PPHLN1: variants seen among roughly 807,000 people sequenced by gnomAD.
The protein encoded by PPHLN1 is periphilin 1.
Under a neutral mutation model 51.3 loss-of-function variants are expected in PPHLN1, and 29 were observed. That is an observed-to-expected ratio of 0.57 (90% CI 0.42 to 0.77). The LOEUF is 0.77. Among genes scored for constraint, PPHLN1 ranks in the 30% least tolerant of loss-of-function variants. The probability of loss-of-function intolerance (pLI) is 0.00; values close to 1 mark genes in which losing one functional copy is unlikely to be tolerated. For synonymous variants in PPHLN1, 147 were observed against 147.8 expected (o/e 0.99, Z 0.04); for missense variants, 436 against 438.4 (o/e 0.99, Z 0.05).
At chr12:42,346,924 G>A (rs924697391) in intron 2 of PPHLN1, 2 of 152,082 alleles carry the variant, frequency 1.3e-5, no homozygotes, top group African/African-American at 4.8e-5. Flanking sequence ...ATCTCACTCT[G>A]TTTTCCCAGG....
intron 9 of PPHLN1, among the ~76,000 whole-genome samples, chr12:42,434,026 G>A (rs1352364022): frequency 6.6e-6 from 1 of 152,174 alleles, no homozygotes; most frequent in Admixed American, 6.5e-5. Context: ...TGCTACAAAG[G>A]TGGTATACTC....
At chr12:42,448,498 A>G (rs999591451), downstream of PPHLN1, 10 of 152,084 alleles carry the variant, frequency 6.6e-5, no homozygotes, top group African/African-American at 2.2e-4. Flanking sequence ...GCATATGCCC[A>G]GTTGATGTGA....
intron 8 of PPHLN1, 149 bp from the exon 9 acceptor site, chr12:42,398,705 T>C: frequency 1.7e-6 from 1 of 599,208 alleles, no homozygotes; most frequent in African/African-American, 1.8e-5. Flanking sequence ...ATGCTCATTA[T>C]GCATAGTGAA....
At position 42,342,259 on chromosome 12, in the gene PPHLN1, G is replaced by A. The variant is rs550570297; in HGVS notation, c.72+6285G>A. Among the ~76,000 whole-genome samples, 78 of 151,510 alleles carry A rather than the reference G, an allele frequency of 5.1e-4. 1 individual carries two copies. Among genetic ancestry groups the A allele is most frequent in the African/African-American group, 1.7e-3 (71 of 41,234 alleles). ...CATTCATTCATTCATTCATTCATTC[G>A]TTCATATGTACATACACACAGGGTC... On this transcript the variant is annotated intron_variant, in intron 2 of 9. Coordinates refer to ENST00000358314, the MANE Select transcript of PPHLN1 (RefSeq NM_201439.2).
intron 8 of PPHLN1, 61 bp downstream of exon 8, chr12:42,393,750 T>C (rs1182237433): frequency 1.2e-5 from 18 of 1,483,700 alleles, no homozygotes; most frequent in Non-Finnish European, 1.4e-5. Context: ...TTTTAAATTA[T>C]GGGCGAAAAA....
At chr12:42,444,925 C>A (rs2083221479), downstream of PPHLN1, 1 of 616,816 alleles carries the variant, frequency 1.6e-6, no homozygotes, top group Non-Finnish European at 2.9e-6. Context: ...TCCCTCACTC[C>A]ATCGAGATTT....
At chr12:42,446,696 G>A, downstream of PPHLN1, 2 of 1,543,542 alleles carry the variant, frequency 1.3e-6, no homozygotes, top group Non-Finnish European at 1.8e-6. Flanking sequence ...AAACAGAAAA[G>A]GGGTGATGTA....
At chr12:42,379,285 T>C (rs1464350340) in intron 5 of PPHLN1, among the ~76,000 whole-genome samples, 1 of 152,020 alleles carries the variant, frequency 6.6e-6, no homozygotes, top group African/African-American at 2.4e-5. Flanking sequence ...TAAATCACAA[T>C]CCAGTCCTTT....
chr12:42,387,388 T>C, intron 6 of PPHLN1, 68 bp from the exon 7 acceptor site: 16 of 1,511,606 alleles, frequency 1.1e-5, no homozygotes, highest in Non-Finnish European at 1.4e-5. Flanking sequence ...ATTAATTCCA[T>C]TACAAAATTA....
At chr12:42,425,042 G>T (rs968861058) in intron 9 of PPHLN1, among the ~76,000 whole-genome samples, 1 of 143,712 alleles carries the variant, frequency 7.0e-6, no homozygotes, top group Non-Finnish European at 1.5e-5. Context: ...TTTATTTTAT[G>T]TATGTATGTA....
At chr12:42,393,335 A>G (rs865889177) in intron 7 of PPHLN1, among the ~76,000 whole-genome samples, 4 of 152,164 alleles carry the variant, frequency 2.6e-5, no homozygotes, top group Non-Finnish European at 4.4e-5. Context: ...ATGAATTTCT[A>G]GAGTCTTATG....
chr12:42,400,571 C>T (rs1019424012), intron 9 of PPHLN1: 19 of 151,954 alleles, frequency 1.3e-4, no homozygotes, highest in African/African-American at 4.6e-4. Context: ...TAGAATCTCA[C>T]AGCCTGTTGC....
intron 9 of PPHLN1, among the ~76,000 whole-genome samples, chr12:42,414,196 G>A (rs2080157261): frequency 1.3e-5 from 2 of 151,796 alleles, no homozygotes; most frequent in African/African-American, 2.4e-5. Flanking sequence ...CACCATGCCC[G>A]GCTTATTTTT....
At chr12:42,431,037 T>C (rs1221749601) in intron 9 of PPHLN1, among the ~76,000 whole-genome samples, 1 of 152,248 alleles carries the variant, frequency 6.6e-6, no homozygotes, top group African/African-American at 2.4e-5. Context: ...CTATGTTTTA[T>C]TTTTAAATAC....
intron 9 of PPHLN1, among the ~76,000 whole-genome samples, chr12:42,413,304 A>G (rs2080040137): frequency 4.6e-5 from 7 of 152,152 alleles, no homozygotes. Context: ...AAGGTGAGAG[A>G]TAGAGATCCG....
At chr12:42,326,648 T>C (rs537295435) in intron 1 of PPHLN1, among the ~76,000 whole-genome samples, 12 of 152,236 alleles carry the variant, frequency 7.9e-5, no homozygotes, top group African/African-American at 2.6e-4. Context: ...GAGGTCAACT[T>C]GGGGAGAGTT....
chr12:42,351,596 TTA>T (rs963960930), intron 2 of PPHLN1: 2 of 184,266 alleles, frequency 1.1e-5, no homozygotes, highest in African/African-American at 4.7e-5. Context: ...TGTCTTAAGT[TTA>T]TTTTTTACTA....
intron 8 of PPHLN1, among the ~76,000 whole-genome samples, chr12:42,394,479 G>A (rs938839641): frequency 6.6e-6 from 1 of 152,122 alleles, no homozygotes; most frequent in Admixed American, 6.5e-5. Flanking sequence ...AAGGGATCAA[G>A]CATTGATATT....
chr12:42,377,767 TTAAAGA>T (rs2076395183), intron 5 of PPHLN1, among the ~76,000 whole-genome samples: 1 of 149,108 alleles, frequency 6.7e-6, no homozygotes, highest in Non-Finnish European at 1.5e-5. Context: ...AATGAAGTTA[TTAAAGA>T]TAGTTATTAG....
Sources: gnomAD v4.1 joint callset for allele counts (sites outside exome capture counted in the v4.1 genomes callset) on GRCh38, gnomAD v4.1.1 for gene constraint, MANE v1.5 for transcripts, NCBI Gene and HGNC (gene_info 2026-07-23, HGNC 2026-07-21) for gene names.